The following KIRREL3 variants were observed in gnomAD, a reference collection of about 807,000 sequenced individuals.
KIRREL3 encodes kin of IRRE-like protein 3.
In KIRREL3, 36 loss-of-function variants were observed where a neutral mutation model predicts 89.7. That is an observed-to-expected ratio of 0.40 (90% CI 0.31 to 0.53). The LOEUF (loss-of-function observed/expected upper bound fraction) is 0.53, where lower values mean the gene tolerates loss of function less well. KIRREL3 is among the 20% of genes least tolerant of loss of function. The pLI, the probability that KIRREL3 is intolerant of heterozygous loss-of-function variation, is 0.49. For synonymous variants in KIRREL3, 445 were observed against 441.4 expected (o/e 1.01, Z -0.10); for missense variants, 864 against 1,056.6 (o/e 0.82, Z 2.53).
chr11:126,720,654 C>T (rs182744016), intron 1 of KIRREL3, among the ~76,000 whole-genome samples: 5 of 152,314 alleles, frequency 3.3e-5, no homozygotes, highest in African/African-American at 7.2e-5. Context: ...CTCTTGAGAG[C>T]GAATGAGAGT....
intron 1 of KIRREL3, among the ~76,000 whole-genome samples, chr11:126,873,652 C>T (rs1423721019): frequency 2.0e-5 from 3 of 152,100 alleles, no homozygotes; most frequent in Non-Finnish European, 2.9e-5. Context: ...GAAGAGTGGG[C>T]GAGTCATACC....
At position 126,870,123 on chromosome 11, in the gene KIRREL3, A is replaced by C. The variant is rs1222127620; in HGVS notation, c.55+130332T>G. The stretch of plus-strand genomic sequence containing the variant: ...TCAGGGGCCCATGAGCACTGTGATT[A>C]ATGACCAGGAGTGAGTGTGGGCGAG... On this transcript the variant is annotated intron_variant, in intron 1 of 16. Coordinates refer to ENST00000525144, the MANE Select transcript of KIRREL3 (RefSeq NM_032531.4). The surrounding 1 kb of genome is among the most constrained non-coding windows in gnomAD (Gnocchi z 4.4). Among the ~76,000 whole-genome samples the C allele has an allele frequency of 6.6e-6, 1 of 152,192 alleles. No homozygotes were observed. Among genetic ancestry groups the C allele is most frequent in the East Asian group, 1.9e-4 (1 of 5,186 alleles).
chr11:126,875,024 G>A (rs1202008358), intron 1 of KIRREL3, among the ~76,000 whole-genome samples: 1 of 152,056 alleles, frequency 6.6e-6, no homozygotes, highest in Non-Finnish European at 1.5e-5. Context: ...AAGAACACTC[G>A]CTGTCCTGTA....
intron 7 of KIRREL3, among the ~76,000 whole-genome samples, chr11:126,452,077 C>T (rs945677772): frequency 2.0e-5 from 3 of 152,126 alleles, no homozygotes; most frequent in South Asian, 2.1e-4. Context: ...CATCCAGCCC[C>T]GAGAGACGAC....
chr11:126,726,296 C>T (rs900759465), intron 1 of KIRREL3, among the ~76,000 whole-genome samples: 2 of 152,198 alleles, frequency 1.3e-5, no homozygotes, highest in African/African-American at 2.4e-5. Flanking sequence ...TAGAATTTTT[C>T]CTCAGAAATT....
At chr11:126,674,721 C>A (rs774491297) in intron 1 of KIRREL3, among the ~76,000 whole-genome samples, 1 of 152,170 alleles carries the variant, frequency 6.6e-6, no homozygotes, top group Non-Finnish European at 1.5e-5. Context: ...TTTGAGTTGT[C>A]ATCTTTTCTT....
chr11:126,901,526 C>G (rs2134841268), intron 1 of KIRREL3, among the ~76,000 whole-genome samples: 1 of 152,202 alleles, frequency 6.6e-6, no homozygotes, highest in East Asian at 1.9e-4. Flanking sequence ...ATTCAGTGAG[C>G]AACGATGGAG....
chr11:126,543,129 C>T (rs1938506289), intron 2 of KIRREL3, among the ~76,000 whole-genome samples: 1 of 152,158 alleles, frequency 6.6e-6, no homozygotes, highest in Non-Finnish European at 1.5e-5. Flanking sequence ...CCTGTCACCC[C>T]CCAAACAGAG....
rs1958645733 is a variant in KIRREL3, at chr11:126,523,076, C to G, written c.284-1612G>C. On this transcript the variant is annotated intron_variant, in intron 3 of 16. Coordinates refer to ENST00000525144, the MANE Select transcript of KIRREL3 (RefSeq NM_032531.4). The surrounding 1 kb of genome is among the most constrained non-coding windows in gnomAD (Gnocchi z 4.9). ...TGGGTTGGGCATGTTCCTGAGCTCC[C>G]AAGGGCAGCACCAGCACCAACAGGC... 6.6e-6 allele frequency among the ~76,000 whole-genome samples: 1 copy of G among 152,172 alleles called. No homozygotes were observed. Among genetic ancestry groups the G allele is most frequent in the Non-Finnish European group, 1.5e-5 (1 of 68,032 alleles).
At chr11:126,458,818 A>G (rs1956454459) in intron 6 of KIRREL3, among the ~76,000 whole-genome samples, 1 of 152,144 alleles carries the variant, frequency 6.6e-6, no homozygotes, top group Non-Finnish European at 1.5e-5. Flanking sequence ...GGTCACAAAG[A>G]TGGGGTTACA....
chr11:126,840,792 T>C (rs1943940641), intron 1 of KIRREL3, among the ~76,000 whole-genome samples: 1 of 152,230 alleles, frequency 6.6e-6, no homozygotes, highest in South Asian at 2.1e-4. Flanking sequence ...AATTTCACAG[T>C]ATCACAGTGA....
At chr11:126,661,382 A>G (rs1004053707) in intron 1 of KIRREL3, among the ~76,000 whole-genome samples, 24 of 152,224 alleles carry the variant, frequency 1.6e-4, no homozygotes, top group Non-Finnish European at 2.9e-5. Flanking sequence ...AACTTTTACA[A>G]TTCTGTGTTC....
chr11:126,921,066 T>A (rs1216329987), intron 1 of KIRREL3, among the ~76,000 whole-genome samples: 1 of 152,200 alleles, frequency 6.6e-6, no homozygotes, highest in Admixed American at 6.5e-5. Flanking sequence ...GCTAAAGGCC[T>A]GGATAGAACC....
At chr11:126,581,426 T>C (rs1243176805) in intron 1 of KIRREL3, among the ~76,000 whole-genome samples, 1 of 151,420 alleles carries the variant, frequency 6.6e-6, no homozygotes, top group African/African-American at 2.4e-5. Flanking sequence ...GGTCATAAAC[T>C]CCTGACCTCA....
intron 1 of KIRREL3, among the ~76,000 whole-genome samples, chr11:126,881,306 C>G (rs1433118952): frequency 6.6e-6 from 1 of 152,200 alleles, no homozygotes; most frequent in African/African-American, 2.4e-5. Flanking sequence ...CCCATTCCCT[C>G]TCCCCACGTT....
intron 1 of KIRREL3, among the ~76,000 whole-genome samples, chr11:126,853,450 C>T (rs1944405990): frequency 6.6e-6 from 1 of 152,162 alleles, no homozygotes; most frequent in Non-Finnish European, 1.5e-5. Context: ...TCCATTTCTG[C>T]ATTTTTAAAT....
intron 1 of KIRREL3, among the ~76,000 whole-genome samples, chr11:126,613,884 T>TA (rs1321758275): frequency 3.6e-5 from 3 of 82,716 alleles, no homozygotes; most frequent in African/African-American, 1.3e-4. Flanking sequence ...TTTTTTTTTT[T>TA]TTTTTTTTTA....
At chr11:126,803,947 T>C (rs1951121966) in intron 1 of KIRREL3, among the ~76,000 whole-genome samples, 1 of 152,124 alleles carries the variant, frequency 6.6e-6, no homozygotes, top group Non-Finnish European at 1.5e-5. Context: ...CATAGCTGAG[T>C]GGTACCTTGA....
chr11:126,514,663 G>T (rs1456115460), intron 4 of KIRREL3, among the ~76,000 whole-genome samples: 1 of 152,194 alleles, frequency 6.6e-6, no homozygotes, highest in Non-Finnish European at 1.5e-5. Flanking sequence ...AAGCAGTTAT[G>T]ATTATTTCCC....
Sources: allele counts gnomAD v4.1 joint callset (sites outside exome capture counted in the v4.1 genomes callset), GRCh38; gene constraint gnomAD v4.1.1; non-coding constraint Gnocchi (gnomAD v3.1); transcripts MANE v1.5; gene names NCBI Gene and HGNC (gene_info 2026-07-23, HGNC 2026-07-21).